FAM107B: variants seen among roughly 807,000 people sequenced by gnomAD.
The protein encoded by FAM107B is protein FAM107B.
FAM107B carries 21 observed loss-of-function variants against 31.5 expected under a neutral mutation model. That is an observed-to-expected ratio of 0.67 (90% CI 0.47 to 0.96). The LOEUF is 0.96. FAM107B is among the 40% of genes least tolerant of loss of function. The probability of loss-of-function intolerance (pLI) is 0.00; values close to 1 mark genes in which losing one functional copy is unlikely to be tolerated. For synonymous variants in FAM107B, 157 were observed against 141.5 expected, an observed-to-expected ratio of 1.11 and a Z score of -0.78; for missense variants, 452 against 377.1, an observed-to-expected ratio of 1.20 and a Z score of -1.64.
intron 2 of FAM107B, chr10:14,602,834 G>T (rs1428583752): frequency 2.0e-5 from 3 of 152,114 alleles, no homozygotes; most frequent in Non-Finnish European, 4.4e-5. Context: ...CTTCTGTACA[G>T]GTGGTTATAT....
At chr10:14,602,939 T>C (rs1007753712) in intron 2 of FAM107B, 8 of 152,024 alleles carry the variant, frequency 5.3e-5, no homozygotes, top group African/African-American at 1.5e-4. Context: ...CATGATTAAA[T>C]ATATTTTAGG....
At chr10:14,655,729 G>T (rs566876774) in intron 2 of FAM107B, among the ~76,000 whole-genome samples, 1 of 152,324 alleles carries the variant, frequency 6.6e-6, no homozygotes, top group South Asian at 2.1e-4. Context: ...GGGAGGGAAA[G>T]CAGCCACCAC....
At chr10:14,742,197 G>A (rs991136956) in intron 1 of FAM107B, among the ~76,000 whole-genome samples, 10 of 151,988 alleles carry the variant, frequency 6.6e-5, no homozygotes, top group African/African-American at 2.2e-4. Flanking sequence ...ACTCACTGTA[G>A]CCTCAACCTC....
chr10:14,706,536 A>C (rs888652443), intron 1 of FAM107B, among the ~76,000 whole-genome samples: 1 of 152,138 alleles, frequency 6.6e-6, no homozygotes, highest in Admixed American at 6.5e-5. Flanking sequence ...TTCACCCCAA[A>C]GTGAACTGGG....
chr10:14,525,800 T>G (rs1282176676), intron 3 of FAM107B, among the ~76,000 whole-genome samples: 1 of 152,230 alleles, frequency 6.6e-6, no homozygotes, highest in African/African-American at 2.4e-5. Flanking sequence ...GAAGCGGAGT[T>G]GCTGGCTAAG....
chr10:14,538,719 T>C (rs1277945189), intron 2 of FAM107B, among the ~76,000 whole-genome samples: 2 of 152,178 alleles, frequency 1.3e-5, no homozygotes, highest in Non-Finnish European at 2.9e-5. Context: ...GAGTACACGT[T>C]CAACAGCTAT....
At chr10:14,735,050 T>G (rs1407654606) in intron 1 of FAM107B, among the ~76,000 whole-genome samples, 1 of 152,230 alleles carries the variant, frequency 6.6e-6, no homozygotes, top group Non-Finnish European at 1.5e-5. Context: ...GTCATCCACC[T>G]GCTGTCTCCA....
In FAM107B at chr10:14,608,697, G is replaced by A. The variant is rs148693388; in HGVS notation, c.469+58937C>T. ...GTGGTAAGGCCCCTGGAGCTCTAGC[G>A]TTATGGGTCTAGAAGAATGATAGAA... On this transcript the variant is annotated intron_variant, in intron 2 of 4. Coordinates refer to ENST00000181796, the MANE Select transcript of FAM107B (RefSeq NM_031453.4). 2.8e-3 allele frequency among the ~76,000 whole-genome samples: 423 copies of A among 152,322 alleles called. 2 individuals carry two copies. The highest frequency in any genetic ancestry group is 8.8e-3 in the African/African-American group (365 of 41,548).
At chr10:14,575,636 C>G (rs1381419820) in intron 2 of FAM107B, among the ~76,000 whole-genome samples, 1 of 152,214 alleles carries the variant, frequency 6.6e-6, no homozygotes, top group Non-Finnish European at 1.5e-5. Flanking sequence ...AACCTAACAT[C>G]TAAAAGATCT....
At chr10:14,573,667 C>T (rs1358799350) in intron 2 of FAM107B, among the ~76,000 whole-genome samples, 1 of 151,986 alleles carries the variant, frequency 6.6e-6, no homozygotes, top group African/African-American at 2.4e-5. Context: ...TCACATGGAC[C>T]CCAGAGGCAG....
At chr10:14,652,277 G>A (rs1180958809) in intron 2 of FAM107B, among the ~76,000 whole-genome samples, 1 of 152,182 alleles carries the variant, frequency 6.6e-6, no homozygotes, top group Non-Finnish European at 1.5e-5. Context: ...CAGAAACCAG[G>A]AGGGTTAGGC....
chr10:14,541,618 G>A lies in FAM107B; in HGVS notation c.470-11103C>T, dbSNP rs915813377. On this transcript the variant is annotated intron_variant, in intron 2 of 4. Coordinates refer to ENST00000181796, the MANE Select transcript of FAM107B (RefSeq NM_031453.4). The stretch of plus-strand genomic sequence containing the variant: ...TGAACTGCTGTGGAAGACTCCACTG[G>A]ACGCCCCTTGCCTCAGGCACTTCCC... Among the ~76,000 whole-genome samples the A allele has an allele frequency of 1.6e-3, 244 of 152,238 alleles. 3 individuals carry two copies. The highest frequency in any genetic ancestry group is 5.7e-3 in the African/African-American group (238 of 41,536).
intron 1 of FAM107B, among the ~76,000 whole-genome samples, chr10:14,668,757 T>C (rs1378649941): frequency 2.6e-5 from 4 of 152,166 alleles, no homozygotes; most frequent in South Asian, 2.1e-4. Flanking sequence ...CCTTCTAACA[T>C]CCCTTGAATT....
intron 2 of FAM107B, among the ~76,000 whole-genome samples, chr10:14,629,453 T>TAAC (rs1221544709): frequency 4.7e-5 from 2 of 42,864 alleles, no homozygotes; most frequent in African/African-American, 9.2e-5. Context: ...ATATTATATA[T>TAAC]ATATTATATA....
chr10:14,769,181 T>A (rs1019495411), intron 1 of FAM107B, among the ~76,000 whole-genome samples: 1 of 152,114 alleles, frequency 6.6e-6, no homozygotes, highest in Non-Finnish European at 1.5e-5. Context: ...CTGACAAAAC[T>A]GTGTTTGGAG....
At chr10:14,567,207 T>G (rs894951590) in intron 2 of FAM107B, among the ~76,000 whole-genome samples, 1 of 151,980 alleles carries the variant, frequency 6.6e-6, no homozygotes, top group African/African-American at 2.4e-5. Flanking sequence ...GAGAGAATGG[T>G]GGTGCAGAAA....
At chr10:14,652,698 G>T (rs1389313362) in intron 2 of FAM107B, 1 of 152,152 alleles carries the variant, frequency 6.6e-6, no homozygotes, top group Non-Finnish European at 1.5e-5. Context: ...TAGTATCAAG[G>T]GTAGCGTGGA....
chr10:14,573,395 C>T (rs1467273222), intron 2 of FAM107B, among the ~76,000 whole-genome samples: 3 of 152,072 alleles, frequency 2.0e-5, no homozygotes, highest in Non-Finnish European at 4.4e-5. Context: ...CAGATGCAGG[C>T]CCTCGACCTT....
chr10:14,650,210 GTT>G (rs58066871), intron 2 of FAM107B, among the ~76,000 whole-genome samples: 2 of 148,106 alleles, frequency 1.4e-5, no homozygotes, highest in African/African-American at 5.0e-5. Context: ...TTCGCATACA[GTT>G]TTTTTTTTTC....
Sources: allele counts gnomAD v4.1 joint callset (sites outside exome capture counted in the v4.1 genomes callset), GRCh38; gene constraint gnomAD v4.1.1; transcripts MANE v1.5; gene names NCBI Gene and HGNC (gene_info 2026-07-23, HGNC 2026-07-21).